Variants in TMEM178B observed in about 807,000 individuals in gnomAD.
TMEM178B encodes transmembrane protein 178B.
TMEM178B carries 5 observed loss-of-function variants against 31.0 expected under a neutral mutation model. That is an observed-to-expected ratio of 0.16 (90% CI 0.08 to 0.34). The LOEUF (loss-of-function observed/expected upper bound fraction) is 0.34. TMEM178B is among the 10% of genes least tolerant of loss of function. The probability of loss-of-function intolerance (pLI) is 1.00; values close to 1 mark genes in which losing one functional copy is unlikely to be tolerated. For missense variants in TMEM178B, 275 were observed against 400.3 expected, an observed-to-expected ratio of 0.69 and a Z score of 2.67; for synonymous variants, 164 against 164.0, an observed-to-expected ratio of 1.00 and a Z score of 0.00.
intron 1 of TMEM178B, among the ~76,000 whole-genome samples, chr7:141,104,557 C>T (rs192075013): frequency 2.4e-4 from 36 of 152,354 alleles, no homozygotes; most frequent in African/African-American, 7.7e-4. Context: ...TCTACTCTCT[C>T]GCTCATTGAG....
intron 2 of TMEM178B, among the ~76,000 whole-genome samples, chr7:141,268,012 C>G (rs1262976519): frequency 2.0e-5 from 3 of 152,250 alleles, no homozygotes; most frequent in African/African-American, 7.2e-5. Context: ...CCATGCCACT[C>G]TGCTTATATA....
In TMEM178B at chr7:141,318,125, G is replaced by A. The variant is rs1799037492; in HGVS notation, c.496+105421G>A. ...GACTGCAGTATAATCACAGCCTGGG[G>A]TATTATTGGATGACCATCCATCCAT... is the stretch of plus-strand genomic sequence containing the variant. On this transcript the variant is annotated intron_variant, in intron 2 of 3. Transcript: ENST00000565468. This position sits in a 1 kb window ranked among gnomAD's most constrained non-coding sequence, Gnocchi z 4.1. Among the ~76,000 whole-genome samples, 1 of 152,146 alleles carries A rather than the reference G, an allele frequency of 6.6e-6. No individual in the cohort carries two copies. The highest frequency in any genetic ancestry group is 1.5e-5 in the Non-Finnish European group (1 of 68,036).
chr7:141,404,022 A>G (rs1304438216), intron 2 of TMEM178B, among the ~76,000 whole-genome samples: 1 of 152,176 alleles, frequency 6.6e-6, no homozygotes, highest in African/African-American at 2.4e-5. Context: ...AACAATGGAA[A>G]TTGCCGGGCA....
the TMEM178B span, among the ~76,000 whole-genome samples, chr7:141,510,640 G>A: frequency 1.5e-3 from 177 of 119,404 alleles, no homozygotes; most frequent in Middle Eastern, 0.015. Flanking sequence ...AGCCAAGAAC[G>A]CACTGTTGCA....
intron 1 of TMEM178B, among the ~76,000 whole-genome samples, chr7:141,152,121 C>T (rs1795985136): frequency 6.6e-6 from 1 of 152,170 alleles, no homozygotes; most frequent in Non-Finnish European, 1.5e-5. Context: ...AGCTGCCTCC[C>T]TGGAGCACAT....
At chr7:141,339,066 G>A (rs1799472780) in intron 2 of TMEM178B, among the ~76,000 whole-genome samples, 1 of 152,190 alleles carries the variant, frequency 6.6e-6, no homozygotes, top group Admixed American at 6.5e-5. Flanking sequence ...GAGACAGGTT[G>A]TGGGGCCTTC....
chr7:141,487,491 G>A, the TMEM178B span, among the ~76,000 whole-genome samples: 2 of 152,012 alleles, frequency 1.3e-5, no homozygotes, highest in African/African-American at 4.8e-5. Context: ...TGTAATCTCA[G>A]CACTTTGGGA....
rs533052396 is a variant in TMEM178B at position 141,393,179 on chromosome 7, C to T, written c.497-44429C>T. On this transcript the variant is annotated intron_variant, in intron 2 of 3. Coordinates refer to ENST00000565468, the MANE Select transcript of TMEM178B (RefSeq NM_001195278.2). The stretch of plus-strand genomic sequence containing the variant: ...GGGGAAGGAGGCAGCCCTCCTGGGG[C>T]GAAATGGGAGGGGTGTTTTTCTTCT... Among the ~76,000 whole-genome samples the T allele has an allele frequency of 1.3e-3, 200 of 152,054 alleles. 3 individuals carry two copies. The South Asian group carries it at 0.032, about 24-fold the overall frequency.
intron 2 of TMEM178B, among the ~76,000 whole-genome samples, chr7:141,382,193 TG>T (rs1266383019): frequency 6.6e-6 from 1 of 152,326 alleles, no homozygotes; most frequent in African/African-American, 2.4e-5. Context: ...GTCAGTCCCC[TG>T]TGTACAAAAG....
At chr7:141,083,503 G>GAGACAGAC (rs56305234) in intron 1 of TMEM178B, among the ~76,000 whole-genome samples, 206 of 148,504 alleles carry the variant, frequency 1.4e-3, no homozygotes, top group Admixed American at 2.5e-3. Context: ...GAGAGAGAGA[G>GAGACAGAC]AGACAGACAG....
chr7:141,376,913 A>G (rs1800224685), intron 2 of TMEM178B, among the ~76,000 whole-genome samples: 1 of 152,206 alleles, frequency 6.6e-6, no homozygotes, highest in Non-Finnish European at 1.5e-5. Flanking sequence ...TGATGTGAAA[A>G]TGTACTAAAA....
intron 1 of TMEM178B, among the ~76,000 whole-genome samples, chr7:141,168,397 A>T (rs1796294751): frequency 6.6e-6 from 1 of 152,164 alleles, no homozygotes; most frequent in African/African-American, 2.4e-5. Context: ...TGCACTTGGC[A>T]TTGGGGATTG....
At chr7:141,498,404 C>A in the TMEM178B span, among the ~76,000 whole-genome samples, 9,344 of 152,270 alleles carry the variant, frequency 0.061, 864 homozygotes, top group African/African-American at 0.2. Flanking sequence ...CTAATTCTGG[C>A]ATGTTTGACC....
In TMEM178B at chr7:141,171,150, C is replaced by T. The variant is rs1178263586; in HGVS notation, c.383-41441C>T. Among the ~76,000 whole-genome samples the T allele has an allele frequency of 6.6e-6, 1 of 151,842 alleles. No homozygotes were observed. The highest frequency in any genetic ancestry group is 6.6e-5 in the Admixed American group (1 of 15,238). On this transcript the variant is annotated intron_variant, in intron 1 of 3. Transcript: ENST00000565468. This position sits in a 1 kb window ranked among gnomAD's most constrained non-coding sequence, Gnocchi z 4.3. ...TCTACTCTTAGCTCTTCAGGGTAGG[C>T]CTGTTGTTTATTTAAAAATAGGTTG...
intron 2 of TMEM178B, among the ~76,000 whole-genome samples, chr7:141,307,935 T>G (rs901581433): frequency 1.9e-4 from 29 of 152,214 alleles, no homozygotes; most frequent in African/African-American, 6.8e-4. Context: ...TGATTGTTTT[T>G]GAATGAATGA....
At chr7:141,098,187 G>C (rs1341726881) in intron 1 of TMEM178B, among the ~76,000 whole-genome samples, 1 of 152,148 alleles carries the variant, frequency 6.6e-6, no homozygotes, top group African/African-American at 2.4e-5. Flanking sequence ...TTCCCAGTGA[G>C]AAGGTATCTT....
the TMEM178B span, among the ~76,000 whole-genome samples, chr7:141,496,530 T>G: frequency 6.9e-6 from 1 of 145,836 alleles, no homozygotes; most frequent in Non-Finnish European, 1.5e-5. Flanking sequence ...ATTAGCCAGG[T>G]GTAGTGGCGG....
At chr7:141,426,846 A>G (rs1801327095) in intron 2 of TMEM178B, among the ~76,000 whole-genome samples, 2 of 152,210 alleles carry the variant, frequency 1.3e-5, no homozygotes, top group African/African-American at 4.8e-5. Flanking sequence ...AACTAATACT[A>G]CATTTATTAT....
At chr7:141,510,533 A>G in the TMEM178B span, among the ~76,000 whole-genome samples, 26 of 151,618 alleles carry the variant, frequency 1.7e-4, no homozygotes, top group African/African-American at 6.3e-4. Flanking sequence ...TAAAAATACA[A>G]AATTAGCCAA....
Sources: allele counts gnomAD v4.1 joint callset (sites outside exome capture counted in the v4.1 genomes callset), GRCh38; gene constraint gnomAD v4.1.1; non-coding constraint Gnocchi (gnomAD v3.1); transcripts MANE v1.5; gene names NCBI Gene and HGNC (gene_info 2026-07-23, HGNC 2026-07-21).